PPP3CA: variants seen among roughly 807,000 people sequenced by gnomAD.
PPP3CA encodes the protein CAM-PRP catalytic subunit.
PPP3CA carries 14 observed loss-of-function variants against 66.5 expected under a neutral mutation model. The observed-to-expected ratio is 0.21, with a 90% CI of 0.14 to 0.33. The LOEUF (loss-of-function observed/expected upper bound fraction) is 0.33. Among genes scored for constraint, PPP3CA ranks in the 10% least tolerant of loss-of-function variants. The probability of loss-of-function intolerance (pLI) is 1.00; values close to 1 mark genes in which losing one functional copy is unlikely to be tolerated. For synonymous variants in PPP3CA, 232 were observed against 226.2 expected (o/e 1.03, Z -0.23); for missense variants, 317 against 639.5 (o/e 0.50, Z 5.44).
At chr4:101,179,387 C>T (rs1466301244) in intron 2 of PPP3CA, among the ~76,000 whole-genome samples, 1 of 152,082 alleles carries the variant, frequency 6.6e-6, no homozygotes, top group Non-Finnish European at 1.5e-5. Flanking sequence ...TATCTACCCA[C>T]TGCTGAAGCA....
At chr4:101,061,320 TTGTGATTC>T (rs776451432) in intron 9 of PPP3CA, among the ~76,000 whole-genome samples, 159 bp from the exon 10 acceptor site, 24 of 152,162 alleles carry the variant, frequency 1.6e-4, no homozygotes, top group Non-Finnish European at 2.5e-4. Context: ...AAGACAGCCT[TTGTGATTC>T]TATGCAGACT....
chr4:101,100,567 A>G (rs1422175562), intron 3 of PPP3CA, among the ~76,000 whole-genome samples: 1 of 152,150 alleles, frequency 6.6e-6, no homozygotes, highest in Non-Finnish European at 1.5e-5. Flanking sequence ...CCTTCCTGGA[A>G]TGAGCATTAA....
chr4:101,245,886 C>G (rs1726461087), intron 1 of PPP3CA, among the ~76,000 whole-genome samples: 1 of 152,072 alleles, frequency 6.6e-6, no homozygotes, highest in Non-Finnish European at 1.5e-5. Context: ...ATTATATTAT[C>G]ATTCATCAAT....
intron 2 of PPP3CA, among the ~76,000 whole-genome samples, chr4:101,188,320 A>G (rs1200254131): frequency 1.3e-5 from 2 of 152,132 alleles, no homozygotes; most frequent in Admixed American, 1.3e-4. Flanking sequence ...CACAAGGCAA[A>G]AGAAAACTTG....
At chr4:101,299,851 TATC>T (rs894599040) in intron 1 of PPP3CA, among the ~76,000 whole-genome samples, 1 of 152,210 alleles carries the variant, frequency 6.6e-6, no homozygotes, top group African/African-American at 2.4e-5. Flanking sequence ...GTCTGCCCTA[TATC>T]ATCAAGGACC....
chr4:101,242,772 TAA>T (rs1322491249), intron 1 of PPP3CA, among the ~76,000 whole-genome samples: 2 of 151,844 alleles, frequency 1.3e-5, no homozygotes, highest in Non-Finnish European at 2.9e-5. Context: ...TACAAAAAAA[TAA>T]AATATTAGCT....
chr4:101,269,867 A>G (rs1727283393), intron 1 of PPP3CA, among the ~76,000 whole-genome samples: 1 of 152,116 alleles, frequency 6.6e-6, no homozygotes, highest in African/African-American at 2.4e-5. Context: ...TTGCTTTACC[A>G]GTCTCTATAA....
Position 101,098,523 on chromosome 4 carries a change from T to A in PPP3CA, c.497-11A>T. ...AATACTTTATTTTACCTTTTAGAAG[T>A]GATTAAAAGAATACTTATGATTTAT... On this transcript the variant is annotated splice_polypyrimidine_tract_variant and intron_variant, in intron 4 of 13. Transcript: ENST00000394854. 6.3e-7 allele frequency: 1 copy of A among 1,584,500 alleles called. No individual in the cohort carries two copies. The highest frequency in any genetic ancestry group is 1.4e-5 in the African/African-American group (1 of 73,352).
rs1722864652 is a variant in PPP3CA, at chr4:101,143,175, C to T, written c.260-34097G>A. 2.0e-5 allele frequency among the ~76,000 whole-genome samples: 3 copies of T among 152,180 alleles called. No homozygotes were observed. In the South Asian group the frequency reaches 6.2e-4, roughly 32 times the overall value. On this transcript the variant is annotated intron_variant, in intron 2 of 13. Coordinates refer to ENST00000394854, the MANE Select transcript of PPP3CA (RefSeq NM_000944.5). ...TACTTCCTATGTCACGTCACCCTTTCTATCTTCATACTTTTTCTTTCCTTA... is the reference window on the plus strand; with the variant it reads ...TACTTCCTATGTCACGTCACCCTTTTTATCTTCATACTTTTTCTTTCCTTA...
At position 101,032,381 on chromosome 4, in the gene PPP3CA, G is replaced by T. The variant is rs568732619; in HGVS notation, c.1242-17C>A. 2.5e-5 allele frequency: 40 copies of T among 1,592,658 alleles called. No homozygotes were observed. The South Asian group carries it at 4.1e-4, about 16-fold the overall frequency. ...CTCTCTTCTCTGGAAGGCACAATGA[G>T]GGGCGACATTAACTTTTAATTTCTT... On this transcript the variant is annotated splice_polypyrimidine_tract_variant and intron_variant, in intron 11 of 13. Coordinates refer to ENST00000394854, the MANE Select transcript of PPP3CA (RefSeq NM_000944.5).
chr4:101,173,180 CA>C (rs1364328804), intron 2 of PPP3CA, among the ~76,000 whole-genome samples: 3 of 152,088 alleles, frequency 2.0e-5, no homozygotes, highest in African/African-American at 7.2e-5. Flanking sequence ...ATTAATGGAA[CA>C]GGGCTTTTGC....
chr4:101,227,561 T>C (rs1332043534), intron 1 of PPP3CA, among the ~76,000 whole-genome samples: 1 of 151,760 alleles, frequency 6.6e-6, no homozygotes, highest in Non-Finnish European at 1.5e-5. Flanking sequence ...ACAGGCCTTT[T>C]CTTTTTTTAA....
intron 1 of PPP3CA, among the ~76,000 whole-genome samples, chr4:101,278,122 T>TAATAAA (rs1727560617): frequency 8.9e-6 from 1 of 112,178 alleles, no homozygotes; most frequent in Non-Finnish European, 1.6e-5. Context: ...AAGCTATTAG[T>TAATAAA]AAAAAAAAAA....
At chr4:101,090,951 C>G (rs542951153) in intron 6 of PPP3CA, among the ~76,000 whole-genome samples, 9 of 135,646 alleles carry the variant, frequency 6.6e-5, no homozygotes, top group East Asian at 6.1e-4. Context: ...TTATAATATA[C>G]ACACATATCT....
intron 2 of PPP3CA, among the ~76,000 whole-genome samples, chr4:101,158,627 C>G (rs1288721618): frequency 2.0e-5 from 3 of 152,104 alleles, no homozygotes; most frequent in Non-Finnish European, 2.9e-5. Context: ...TTTGGGGCCT[C>G]AGTGACCTCA....
chr4:101,106,870 G>A (rs1431137057), intron 3 of PPP3CA, among the ~76,000 whole-genome samples: 1 of 152,180 alleles, frequency 6.6e-6, no homozygotes, highest in South Asian at 2.1e-4. Context: ...CTAGGCCCTG[G>A]CACCACGCTG....
chr4:101,124,743 G>GAA (rs1475167616), intron 2 of PPP3CA, among the ~76,000 whole-genome samples: 29 of 103,112 alleles, frequency 2.8e-4, no homozygotes, highest in African/African-American at 8.9e-4. Context: ...AAGAAAGAAA[G>GAA]AAAGAAAGAA....
At chr4:101,249,635 T>C (rs2850332) in intron 1 of PPP3CA, among the ~76,000 whole-genome samples, 29,359 of 152,132 alleles carry the variant, frequency 0.19, 3,490 homozygotes, top group East Asian at 0.51. Flanking sequence ...TTTAAGTACA[T>C]GGCAGAGAAC....
At chr4:101,313,089 C>A (rs1042548370) in intron 1 of PPP3CA, among the ~76,000 whole-genome samples, 1 of 152,092 alleles carries the variant, frequency 6.6e-6, no homozygotes, top group East Asian at 1.9e-4. Flanking sequence ...AAGCTCTGTC[C>A]TTACTTATTA....
Sources: allele counts gnomAD v4.1 joint callset (sites outside exome capture counted in the v4.1 genomes callset), GRCh38; gene constraint gnomAD v4.1.1; transcripts MANE v1.5; gene names NCBI Gene and HGNC (gene_info 2026-07-23, HGNC 2026-07-21).